The following CDH13 variants were observed in gnomAD, a reference collection of about 807,000 sequenced individuals.
The protein encoded by CDH13 is cadherin-13.
CDH13 carries 24 observed loss-of-function variants against 63.8 expected under a neutral mutation model. The observed-to-expected ratio is 0.38, with a 90% CI of 0.27 to 0.53. The LOEUF is 0.53. Ranked by LOEUF, CDH13 falls within the 20% of genes least tolerant of loss-of-function variation. The pLI is 0.85. For missense variants in CDH13, 1,049 were observed against 903.1 expected, an observed-to-expected ratio of 1.16 and a Z score of -2.07; for synonymous variants, 503 against 355.3, an observed-to-expected ratio of 1.42 and a Z score of -4.67.
chr16:83,010,584 T>C (rs557762542), intron 2 of CDH13, among the ~76,000 whole-genome samples: 6 of 152,290 alleles, frequency 3.9e-5, no homozygotes, highest in Admixed American at 3.9e-4. Flanking sequence ...TCCTTTCCAC[T>C]TTGAAATTTC....
intron 5 of CDH13, among the ~76,000 whole-genome samples, chr16:83,220,716 A>G (rs1308092039): frequency 6.6e-6 from 1 of 151,254 alleles, no homozygotes; most frequent in Non-Finnish European, 1.5e-5. Context: ...TGTTGTCATC[A>G]TAATAGCGCC....
chr16:83,608,719 G>A (rs1908585612), intron 8 of CDH13, among the ~76,000 whole-genome samples: 1 of 150,424 alleles, frequency 6.6e-6, no homozygotes, highest in Non-Finnish European at 1.5e-5. Flanking sequence ...TGTTCCTCGG[G>A]CTGGTCTTGA....
chr16:83,313,992 C>G (rs1451696992), intron 5 of CDH13, among the ~76,000 whole-genome samples: 3 of 152,164 alleles, frequency 2.0e-5, no homozygotes, highest in Non-Finnish European at 4.4e-5. Context: ...TTCCAGCACA[C>G]AAATCCTATT....
chr16:83,314,367 G>A, intron 5 of CDH13, among the ~76,000 whole-genome samples: 1 of 152,036 alleles, frequency 6.6e-6, no homozygotes, highest in East Asian at 1.9e-4. Context: ...AAATAATTTG[G>A]TATTTAAAAC....
At chr16:82,930,039 C>T (rs1218703657) in intron 2 of CDH13, among the ~76,000 whole-genome samples, 4 of 94,768 alleles carry the variant, frequency 4.2e-5, no homozygotes, top group East Asian at 3.0e-4. Context: ...TAGTTTGTCT[C>T]TTTTTTTTTT....
At chr16:83,275,004 C>T (rs567458706) in intron 5 of CDH13, among the ~76,000 whole-genome samples, 4 of 152,266 alleles carry the variant, frequency 2.6e-5, no homozygotes, top group East Asian at 3.9e-4. Context: ...CCCGGCACTC[C>T]CTATAGACAC....
At chr16:82,922,068 T>C (rs2042172989) in intron 2 of CDH13, among the ~76,000 whole-genome samples, 1 of 152,206 alleles carries the variant, frequency 6.6e-6, no homozygotes, top group Admixed American at 6.5e-5. Flanking sequence ...TTCATAGCAT[T>C]TCCTTATAAT....
At chr16:83,619,168 C>T (rs1485633391) in intron 8 of CDH13, among the ~76,000 whole-genome samples, 3 of 152,192 alleles carry the variant, frequency 2.0e-5, no homozygotes, top group African/African-American at 4.8e-5. Flanking sequence ...GCCCATCAGA[C>T]ATGTATGTGC....
intron 4 of CDH13, among the ~76,000 whole-genome samples, chr16:83,187,929 A>G (rs559995856): frequency 4.4e-4 from 67 of 152,238 alleles, no homozygotes; most frequent in African/African-American, 1.5e-3. Flanking sequence ...GGATGCATCT[A>G]TCTGGGGGCT....
chr16:82,992,072 C>A (rs998721124), intron 2 of CDH13, among the ~76,000 whole-genome samples: 1 of 152,078 alleles, frequency 6.6e-6, no homozygotes, highest in Non-Finnish European at 1.5e-5. Context: ...AAGAGTATTT[C>A]GTAGAAGTGA....
chr16:83,663,440 C>G (rs1435784809), intron 8 of CDH13, among the ~76,000 whole-genome samples: 2 of 152,144 alleles, frequency 1.3e-5, no homozygotes, highest in African/African-American at 4.8e-5. Flanking sequence ...TTTCCTTTTT[C>G]TTAGGAGAAA....
At chr16:83,518,194 G>C (rs963920856) in intron 7 of CDH13, among the ~76,000 whole-genome samples, 3 of 152,092 alleles carry the variant, frequency 2.0e-5, no homozygotes, top group Admixed American at 1.3e-4. Context: ...ACCCAGGCTG[G>C]AGTGCAGTGG....
chr16:82,897,491 A>G (rs2041308821), intron 2 of CDH13, among the ~76,000 whole-genome samples: 1 of 152,226 alleles, frequency 6.6e-6, no homozygotes, highest in Non-Finnish European at 1.5e-5. Flanking sequence ...TTTATTACTG[A>G]GAATTTATCT....
At chr16:82,879,641 G>T (rs1223749715) in intron 2 of CDH13, among the ~76,000 whole-genome samples, 5 of 136,916 alleles carry the variant, frequency 3.7e-5, no homozygotes, top group Non-Finnish European at 7.6e-5. Context: ...TCTATTATAT[G>T]TTACATATAT....
intron 6 of CDH13, among the ~76,000 whole-genome samples, chr16:83,390,429 A>G (rs561412166): frequency 3.4e-4 from 51 of 151,156 alleles, no homozygotes; most frequent in Admixed American, 2.2e-3. Flanking sequence ...CTTATTGGAC[A>G]CAGTATCCCA....
chr16:83,489,572 T>C (rs1167020737), intron 7 of CDH13, among the ~76,000 whole-genome samples: 1 of 152,218 alleles, frequency 6.6e-6, no homozygotes, highest in Non-Finnish European at 1.5e-5. Context: ...TCCAAGTTCT[T>C]GTCTTTGAGG....
chr16:82,841,474 T>G (rs527819502), intron 1 of CDH13, among the ~76,000 whole-genome samples: 1 of 152,288 alleles, frequency 6.6e-6, no homozygotes, highest in Admixed American at 6.5e-5. Flanking sequence ...CCTAATTATG[T>G]CAGGAGGCAG....
intron 2 of CDH13, among the ~76,000 whole-genome samples, chr16:82,942,634 T>G (rs1904304622): frequency 6.6e-6 from 1 of 152,140 alleles, no homozygotes; most frequent in Non-Finnish European, 1.5e-5. Context: ...GTGGCCAATG[T>G]GAACCATGCT....
intron 6 of CDH13, among the ~76,000 whole-genome samples, chr16:83,372,183 A>T (rs1330375785): frequency 6.6e-6 from 1 of 152,158 alleles, no homozygotes; most frequent in Non-Finnish European, 1.5e-5. Context: ...GAGGTTCTGT[A>T]ACATCCCCAC....
Sources: allele counts gnomAD v4.1 joint callset (sites outside exome capture counted in the v4.1 genomes callset), GRCh38; gene constraint gnomAD v4.1.1; transcripts MANE v1.5; gene names NCBI Gene and HGNC (gene_info 2026-07-23, HGNC 2026-07-21).